EYS: variants seen among roughly 807,000 people sequenced by gnomAD.
EYS encodes the protein EGF-like photoreceptor maintenance factor, also known as protein eyes shut homolog.
Under a neutral mutation model 282.1 loss-of-function variants are expected in EYS, and 250 were observed. That is an observed-to-expected ratio of 0.89 (90% CI 0.80 to 0.98). The LOEUF is 0.98. Among genes scored for constraint, EYS ranks in the 50% least tolerant of loss-of-function variants. The pLI is 0.00. For synonymous variants in EYS, 1,355 were observed against 1,282.9 expected, an observed-to-expected ratio of 1.06 and a Z score of -1.20; for missense variants, 4,016 against 3,709.0, an observed-to-expected ratio of 1.08 and a Z score of -2.15.
At chr6:64,448,142 C>T (rs1372435796) in intron 26 of EYS, among the ~76,000 whole-genome samples, 7 of 152,172 alleles carry the variant, frequency 4.6e-5, no homozygotes, top group African/African-American at 1.7e-4. Context: ...CCTGGAAAAT[C>T]GGGTAACTCC....
At chr6:64,214,018 T>G (rs1765858518) in intron 31 of EYS, among the ~76,000 whole-genome samples, 1 of 152,160 alleles carries the variant, frequency 6.6e-6, no homozygotes, top group Admixed American at 6.5e-5. Context: ...TGGATAGTCA[T>G]ACATAATGCC....
At chr6:64,230,144 A>G (rs1766376993) in intron 31 of EYS, among the ~76,000 whole-genome samples, 1 of 152,208 alleles carries the variant, frequency 6.6e-6, no homozygotes, top group South Asian at 2.1e-4. Context: ...CCATATTCTT[A>G]AGCATCAAAA....
intron 13 of EYS, among the ~76,000 whole-genome samples, chr6:65,024,115 G>A (rs1002455046): frequency 3.3e-5 from 5 of 152,112 alleles, no homozygotes; most frequent in African/African-American, 1.2e-4. Context: ...TGAGAAAATA[G>A]TAATTCATGT....
At chr6:64,683,095 T>A (rs116832542) in intron 22 of EYS, among the ~76,000 whole-genome samples, 1 of 152,208 alleles carries the variant, frequency 6.6e-6, no homozygotes, top group Non-Finnish European at 1.5e-5. Context: ...CTGTACACTC[T>A]AGGGAAGGCA....
At chr6:65,646,047 G>C (rs916519039) in intron 1 of EYS, among the ~76,000 whole-genome samples, 2 of 151,966 alleles carry the variant, frequency 1.3e-5, no homozygotes, top group Non-Finnish European at 2.9e-5. Context: ...AAAATTCCCA[G>C]CTAAAAAAAG....
chr6:65,652,134 G>C (rs1767674159), intron 1 of EYS, among the ~76,000 whole-genome samples: 1 of 152,114 alleles, frequency 6.6e-6, no homozygotes, highest in South Asian at 2.1e-4. Flanking sequence ...AGCTGGAATG[G>C]CTTGAGGAAG....
At chr6:64,146,092 C>T (rs3013166) in intron 31 of EYS, among the ~76,000 whole-genome samples, 135,958 of 152,174 alleles carry the variant, frequency 0.89, 61,024 homozygotes, top group East Asian at 1. Context: ...GTGGCCACAA[C>T]TGTGGGGACC....
intron 31 of EYS, among the ~76,000 whole-genome samples, chr6:64,176,342 A>G (rs926850397): frequency 1.3e-4 from 20 of 152,158 alleles, no homozygotes; most frequent in African/African-American, 4.8e-4. Context: ...AAGAAGAAGT[A>G]ACAGGTGGGA....
At chr6:64,958,835 CAT>C (rs952106481) in intron 14 of EYS, among the ~76,000 whole-genome samples, 6 of 138,780 alleles carry the variant, frequency 4.3e-5, no homozygotes, top group South Asian at 2.4e-4. Context: ...ATTTCATAAA[CAT>C]AATAATTTCT....
intron 33 of EYS, among the ~76,000 whole-genome samples, chr6:64,043,128 T>G (rs767933914): frequency 2.6e-5 from 4 of 152,226 alleles, no homozygotes; most frequent in Non-Finnish European, 5.9e-5. Context: ...CCATAAAAGT[T>G]TATGACATAG....
Position 65,082,020 on chromosome 6 carries a change from T to C in EYS, c.2024-24293A>G, listed in dbSNP as rs72879808. Among the ~76,000 whole-genome samples, 190 of 152,176 alleles carry C rather than the reference T, an allele frequency of 1.2e-3. 1 individual carries two copies. Among genetic ancestry groups the C allele is most frequent in the Non-Finnish European group, 2.2e-3 (149 of 68,012 alleles). ...TGTCCATGGAACCAATTTCTACTGA[T>C]CTCTAAGTCATAAAACTTTACAATT... On this transcript the variant is annotated intron_variant, in intron 12 of 42. Transcript: ENST00000503581.
intron 16 of EYS, among the ~76,000 whole-genome samples, chr6:64,906,362 AT>A (rs961387228): frequency 2.0e-5 from 3 of 152,054 alleles, no homozygotes; most frequent in African/African-American, 7.2e-5. Flanking sequence ...TCTTTAAGGA[AT>A]TTTCTAAATT....
intron 15 of EYS, among the ~76,000 whole-genome samples, chr6:64,945,130 A>T (rs192048111): frequency 6.6e-6 from 1 of 151,148 alleles, no homozygotes; most frequent in Non-Finnish European, 1.5e-5. Context: ...CTATTAAAAA[A>T]AAAAAAAAAA....
intron 36 of EYS, among the ~76,000 whole-genome samples, chr6:63,856,203 C>A (rs747963480): frequency 6.6e-6 from 1 of 151,964 alleles, no homozygotes; most frequent in Non-Finnish European, 1.5e-5. Context: ...ACTGACAGAC[C>A]TGCAAGGTAA....
intron 22 of EYS, among the ~76,000 whole-genome samples, chr6:64,676,281 A>G (rs1769668346): frequency 6.8e-6 from 1 of 147,200 alleles, no homozygotes; most frequent in Admixed American, 6.8e-5. Flanking sequence ...ACCCTAGAAA[A>G]GTTTCCAATA....
intron 32 of EYS, among the ~76,000 whole-genome samples, chr6:64,077,277 T>C (rs1445424882): frequency 6.6e-6 from 1 of 152,042 alleles, no homozygotes; most frequent in East Asian, 1.9e-4. Flanking sequence ...TCTAATATGA[T>C]GCCAGGGAAT....
At chr6:64,683,604 C>T (rs1276495937) in intron 22 of EYS, among the ~76,000 whole-genome samples, 2 of 151,894 alleles carry the variant, frequency 1.3e-5, no homozygotes, top group Non-Finnish European at 2.9e-5. Context: ...GTCTAGATGT[C>T]CTAGGATAGG....
At chr6:63,960,451 G>C (rs1227595151) in intron 35 of EYS, among the ~76,000 whole-genome samples, 1 of 152,172 alleles carries the variant, frequency 6.6e-6, no homozygotes, top group South Asian at 2.1e-4. Flanking sequence ...TTGAAATGAT[G>C]ACAAAGGATT....
At chr6:64,151,343 A>ATT (rs1562226708) in intron 31 of EYS, among the ~76,000 whole-genome samples, 59 of 118,560 alleles carry the variant, frequency 5.0e-4, no homozygotes, top group African/African-American at 2.0e-3. Flanking sequence ...ATATATATAT[A>ATT]TATATATATA....
Sources: allele counts gnomAD v4.1 joint callset (sites outside exome capture counted in the v4.1 genomes callset), GRCh38; gene constraint gnomAD v4.1.1; transcripts MANE v1.5; gene names NCBI Gene and HGNC (gene_info 2026-07-23, HGNC 2026-07-21).